KIF15: variants seen among roughly 807,000 people sequenced by gnomAD.
KIF15 encodes kinesin-like protein KIF15.
Under a neutral mutation model 190.6 loss-of-function variants are expected in KIF15, and 140 were observed. The ratio of observed to expected loss-of-function variants is 0.73; its 90% CI spans 0.64 to 0.84. The LOEUF is 0.84. KIF15 is among the 40% of genes least tolerant of loss of function. The pLI is 0.00. For synonymous variants in KIF15, 528 were observed against 551.3 expected (o/e 0.96, Z 0.59); for missense variants, 1,372 against 1,584.4 (o/e 0.87, Z 2.28).
downstream of KIF15, among the ~76,000 whole-genome samples, chr3:44,854,553 A>G (rs925895232): frequency 5.9e-5 from 9 of 152,236 alleles, no homozygotes; most frequent in African/African-American, 2.2e-4. Context: ...AGACACTGCA[A>G]CTGCCTCAGA....
chr3:44,816,816 C>T (rs1034585744), intron 20 of KIF15, among the ~76,000 whole-genome samples: 5 of 152,224 alleles, frequency 3.3e-5, no homozygotes, highest in African/African-American at 1.2e-4. Flanking sequence ...GATTGCCACA[C>T]TGTCTTCCAC....
intron 4 of KIF15, among the ~76,000 whole-genome samples, chr3:44,778,401 T>G (rs560910009): frequency 6.6e-6 from 1 of 152,356 alleles, no homozygotes; most frequent in African/African-American, 2.4e-5. Context: ...TGTTGCTTTC[T>G]GGAAAATTTG....
rs1359767200 is a variant in KIF15, at chr3:44,829,594, T to TG, written c.2944-377_2944-376insG. Among the ~76,000 whole-genome samples, 268 of 123,420 alleles carry TG rather than the reference T, an allele frequency of 2.2e-3. 3 individuals carry two copies. Among genetic ancestry groups the TG allele is most frequent in the South Asian group, 0.015 (64 of 4,376 alleles). 81.0% of individuals were successfully genotyped at this position (123,420 alleles called of 152,430 possible). On this transcript the variant is annotated intron_variant, in intron 24 of 34. Coordinates refer to ENST00000326047, the MANE Select transcript of KIF15 (RefSeq NM_020242.3). ...ATATTATATATGTATATATTATATA[T>TG]TATATATGCATATATATTATATATG...
chr3:44,863,068 A>T (rs138276128), intron 6 of KIF15: 3 of 152,090 alleles, frequency 2.0e-5, no homozygotes, highest in African/African-American at 7.2e-5. Flanking sequence ...GCAAATTTGC[A>T]AATTTAAAAC....
At chr3:44,825,900 A>G (rs376879444) in intron 20 of KIF15, 139 bp from the exon 21 acceptor site, 16 of 675,626 alleles carry the variant, frequency 2.4e-5, no homozygotes, top group Admixed American at 1.4e-4. Flanking sequence ...ACACAGGTCC[A>G]TAAGGAGCCT....
At chr3:44,823,654 G>T (rs1040567937) in intron 20 of KIF15, among the ~76,000 whole-genome samples, 1 of 152,232 alleles carries the variant, frequency 6.6e-6, no homozygotes, top group Non-Finnish European at 1.5e-5. Context: ...TTGCTGAGCT[G>T]TGGTGGGCTC....
intron 22 of KIF15, 76 bp downstream of exon 22, chr3:44,826,536 T>TA (rs768693492): frequency 4.0e-5 from 40 of 998,896 alleles, no homozygotes; most frequent in Non-Finnish European, 5.9e-5. Context: ...GTTTTTTTTT[T>TA]ATTGCCAATA....
chr3:44,800,566 C>A (rs1707218835), intron 11 of KIF15, 129 bp downstream of exon 11: 1 of 864,432 alleles, frequency 1.2e-6, no homozygotes, highest in African/African-American at 1.7e-5. Flanking sequence ...CTGCTTATTT[C>A]TCCTATATAG....
At chr3:44,806,754 T>G (rs1172341008) in intron 16 of KIF15, among the ~76,000 whole-genome samples, 1 of 152,120 alleles carries the variant, frequency 6.6e-6, no homozygotes, top group East Asian at 1.9e-4. Context: ...TCTTTTCTTT[T>G]CTTTTTTTTA....
chr3:44,851,986 AG>A, intron 33 of KIF15, 34 bp downstream of exon 33: 1 of 1,590,776 alleles, frequency 6.3e-7, no homozygotes, highest in Non-Finnish European at 8.6e-7. Flanking sequence ...CATGATACTT[AG>A]AACACTCAAA....
At chr3:44,781,000 C>T in intron 5 of KIF15, 78 bp downstream of exon 5, 1 of 1,062,332 alleles carries the variant, frequency 9.4e-7, no homozygotes, top group Non-Finnish European at 1.4e-6. Context: ...TGGGGAAAGG[C>T]ATAATTTCTA....
In KIF15 at chr3:44,775,297, C is replaced by A. The variant is rs746471260; in HGVS notation, c.106C>A (p.Pro36Thr). 1.7e-5 allele frequency: 27 copies of A among 1,613,824 alleles called. No individual in the cohort carries two copies. Among genetic ancestry groups the A allele is most frequent in the Non-Finnish European group, 2.0e-5 (24 of 1,179,980 alleles). The stretch of plus-strand genomic sequence containing the variant: ...CAAAGTTTTTGTGCGAATTCGTCCT[C>A]CTGCAGAAAGATCTGGGTCAGCTGA... Reference protein sequence around the residue: ...AIKVFVRIRPPAERSGSADGE... With the variant: ...AIKVFVRIRPTAERSGSADGE... The change falls in exon 3 of 35, where the codon CCT becomes ACT. Residue 36 changes from proline to threonine, a missense_variant. Pro to Thr is a conservative substitution (Grantham distance 38). Coordinates refer to ENST00000326047, the MANE Select transcript of KIF15 (RefSeq NM_020242.3).
At chr3:44,845,369 T>C (rs1232910511) in intron 30 of KIF15, among the ~76,000 whole-genome samples, 1 of 152,098 alleles carries the variant, frequency 6.6e-6, no homozygotes, top group Non-Finnish European at 1.5e-5. Flanking sequence ...GCAGCAGGGA[T>C]GGCTATAATG....
chr3:44,826,863 A>G, intron 22 of KIF15: 1 of 285,318 alleles, frequency 3.5e-6, no homozygotes, highest in African/African-American at 2.2e-5. Flanking sequence ...CCCTCTTTCC[A>G]GGTTCCTCTC....
chr3:44,859,392 C>T (rs1474436889), intron 6 of KIF15, among the ~76,000 whole-genome samples: 3 of 152,072 alleles, frequency 2.0e-5, no homozygotes, highest in Non-Finnish European at 2.9e-5. Flanking sequence ...GGCTTGGGTG[C>T]GGTGGCTCAT....
At chr3:44,781,619 A>G (rs1706166289) in intron 5 of KIF15, among the ~76,000 whole-genome samples, 1 of 152,202 alleles carries the variant, frequency 6.6e-6, no homozygotes, top group Non-Finnish European at 1.5e-5. Context: ...GCTTTAGTAG[A>G]TTCTGCCCAA....
At chr3:44,770,261 T>C (rs1197712767) in intron 1 of KIF15, among the ~76,000 whole-genome samples, 10 of 152,216 alleles carry the variant, frequency 6.6e-5, no homozygotes, top group Non-Finnish European at 1.3e-4. Flanking sequence ...TTTGGTCTTA[T>C]ACTTGGCTTG....
chr3:44,784,818 C>T (rs1332764864), intron 5 of KIF15, 27 bp from the exon 6 acceptor site: 1 of 1,155,146 alleles, frequency 8.7e-7, no homozygotes, highest in Admixed American at 2.4e-5. Context: ...GAATAAAAAT[C>T]CAGTGTTTTT....
intron 26 of KIF15, among the ~76,000 whole-genome samples, chr3:44,831,286 A>G (rs1698058950): frequency 6.6e-6 from 1 of 152,132 alleles, no homozygotes; most frequent in Non-Finnish European, 1.5e-5. Context: ...GCAGTCTTAT[A>G]CATATACTGT....
Sources: allele counts gnomAD v4.1 joint callset (sites outside exome capture counted in the v4.1 genomes callset), GRCh38; gene constraint gnomAD v4.1.1; transcripts MANE v1.5; gene names NCBI Gene and HGNC (gene_info 2026-07-23, HGNC 2026-07-21).